ROR1: variants seen among roughly 807,000 people sequenced by gnomAD.
ROR1 encodes inactive tyrosine-protein kinase transmembrane receptor ROR1.
Under a neutral mutation model 78.8 loss-of-function variants are expected in ROR1, and 19 were observed. The ratio of observed to expected loss-of-function variants is 0.24; its 90% CI spans 0.17 to 0.35. The LOEUF is 0.35. ROR1 is among the 10% of genes least tolerant of loss of function. The probability of loss-of-function intolerance (pLI) is 1.00; values close to 1 mark genes in which losing one functional copy is unlikely to be tolerated. For synonymous variants in ROR1, 386 were observed against 433.6 expected, an observed-to-expected ratio of 0.89 and a Z score of 1.36; for missense variants, 917 against 1,177.8, an observed-to-expected ratio of 0.78 and a Z score of 3.24.
intron 1 of ROR1, among the ~76,000 whole-genome samples, chr1:63,823,061 ATAT>A (rs1448346961): frequency 6.6e-6 from 1 of 152,094 alleles, no homozygotes; most frequent in Non-Finnish European, 1.5e-5. Context: ...AAAAAAGGGA[ATAT>A]TATTGTTATT....
intron 1 of ROR1, among the ~76,000 whole-genome samples, chr1:63,936,445 C>G (rs1357252524): frequency 6.6e-6 from 1 of 152,108 alleles, no homozygotes; most frequent in Non-Finnish European, 1.5e-5. Flanking sequence ...TTTTCTAAAA[C>G]ACCCTTACCT....
At chr1:63,927,846 T>A (rs60652969) in intron 1 of ROR1, among the ~76,000 whole-genome samples, 4,440 of 152,290 alleles carry the variant, frequency 0.029, 229 homozygotes, top group African/African-American at 0.1. Flanking sequence ...CTGTTCTGGA[T>A]TTTTAGGAGT....
chr1:64,178,601 C>T lies in ROR1; in HGVS notation c.2560C>T (p.Arg854Trp), dbSNP rs1650459177. The T allele has an allele frequency of 5.0e-6, 8 of 1,614,068 alleles. No homozygotes were observed. The highest frequency in any genetic ancestry group is 1.7e-5 in the Admixed American group (1 of 60,000). ...VIQHCPPPKS[R>W]SPSSASGSTS... ...TCAGCACTGCCCACCTCCCAAGAGT[C>T]GGTCCCCAAGCAGTGCCAGTGGGTC... The change falls in exon 9 of 9, where the codon CGG (arginine) becomes TGG (tryptophan). Residue 854 changes from arginine (R) to tryptophan (W), a missense_variant. Physicochemically the swap from Arg to Trp is moderately radical, Grantham distance 101. This residue lies in a region of ROR1 where 835 missense variants were observed against 1,069.8 expected (regional missense o/e 0.78). Transcript: ENST00000371079. This position sits in a 1 kb window ranked among gnomAD's most constrained non-coding sequence, Gnocchi z 4.3.
At chr1:64,129,419 A>G (rs142768768) in intron 4 of ROR1, among the ~76,000 whole-genome samples, 18 of 152,322 alleles carry the variant, frequency 1.2e-4, no homozygotes, top group African/African-American at 4.3e-4. Context: ...CTAAAGTCCC[A>G]TTATTCTTAA....
intron 1 of ROR1, among the ~76,000 whole-genome samples, chr1:63,814,454 G>A (rs1478971158): frequency 6.6e-6 from 1 of 151,996 alleles, no homozygotes; most frequent in African/African-American, 2.4e-5. Context: ...GTTTGGAGAT[G>A]ATTCAAGCAC....
chr1:64,097,066 C>G (rs1398033630), intron 4 of ROR1, among the ~76,000 whole-genome samples: 1 of 152,118 alleles, frequency 6.6e-6, no homozygotes, highest in Admixed American at 6.6e-5. Context: ...TTAATGGCTA[C>G]TCTAAAAAAG....
intron 2 of ROR1, among the ~76,000 whole-genome samples, chr1:64,031,855 GTGTT>G (rs887749156): frequency 5.3e-5 from 8 of 151,338 alleles, no homozygotes; most frequent in Middle Eastern, 3.2e-3. Context: ...TTGTGTGTGT[GTGTT>G]TGTGTGTGCG....
At chr1:64,147,962 T>C (rs6686041) in intron 7 of ROR1, among the ~76,000 whole-genome samples, 44,917 of 151,934 alleles carry the variant, frequency 0.3, 8,110 homozygotes, top group East Asian at 0.52. Flanking sequence ...TGTTGCTAAA[T>C]ACACTGCAGT....
At chr1:63,988,880 A>G (rs1646272012) in intron 1 of ROR1, among the ~76,000 whole-genome samples, 1 of 152,242 alleles carries the variant, frequency 6.6e-6, no homozygotes, top group African/African-American at 2.4e-5. Flanking sequence ...TTATCCATTC[A>G]TCTGTCAATA....
chr1:64,176,135 CA>C (rs1650371719), intron 8 of ROR1, among the ~76,000 whole-genome samples: 1 of 152,090 alleles, frequency 6.6e-6, no homozygotes, highest in South Asian at 2.1e-4. Flanking sequence ...TGTCATGATT[CA>C]ATACTTATTT....
At position 64,178,768 on chromosome 1, in the gene ROR1, C is replaced by T. The variant is rs1442246126; in HGVS notation, c.2727C>T (p.Pro909=). ...TTTTTGGCAACAAATCTCAAAAACC[C>T]TACAAAATTGACTCAAAGCAAGCAT... ...ITVFGNKSQK[P]YKIDSKQASL... Residue 909 remains proline (P), a synonymous_variant, in exon 9 of 9, where the codon CCC becomes CCT. Coordinates refer to ENST00000371079, the MANE Select transcript of ROR1 (RefSeq NM_005012.4). This position sits in a 1 kb window ranked among gnomAD's most constrained non-coding sequence, Gnocchi z 4.3. 2 of 1,613,810 alleles carry T rather than the reference C, an allele frequency of 1.2e-6. No homozygotes were observed. The highest frequency in any genetic ancestry group is 1.3e-5 in the African/African-American group (1 of 74,834).
chr1:63,954,490 C>T (rs568527725), intron 1 of ROR1, among the ~76,000 whole-genome samples: 1 of 152,280 alleles, frequency 6.6e-6, no homozygotes, highest in East Asian at 1.9e-4. Flanking sequence ...GCAATCTCTG[C>T]CATAAGCAGT....
intron 4 of ROR1, among the ~76,000 whole-genome samples, chr1:64,075,751 T>C (rs1465937515): frequency 6.6e-6 from 1 of 152,194 alleles, no homozygotes; most frequent in Non-Finnish European, 1.5e-5. Flanking sequence ...TTTAAAAACA[T>C]GTATAAGTAA....
At position 64,069,516 on chromosome 1, in the gene ROR1, A is replaced by ATGTGTGTGTGTG. The variant is rs143372488; in HGVS notation, c.482+18812_482+18823dup. Among the ~76,000 whole-genome samples the ATGTGTGTGTGTG allele has an allele frequency of 1.1e-3, 168 of 150,424 alleles. 1 individual carries two copies. Among genetic ancestry groups the ATGTGTGTGTGTG allele is most frequent in the African/African-American group, 3.8e-3 (156 of 41,126 alleles). On this transcript the variant is annotated intron_variant, in intron 4 of 8. Transcript: ENST00000371079. ...CAGACTACATTTCCTCTTGGGTTAA[A>ATGTGTGTGTGTG]TGTGTGTGTGTGTGTGTGTGTGTAC... is the stretch of plus-strand genomic sequence containing the variant.
chr1:63,959,925 C>T (rs989701989), intron 1 of ROR1, among the ~76,000 whole-genome samples: 1 of 152,208 alleles, frequency 6.6e-6, no homozygotes, highest in Admixed American at 6.5e-5. Flanking sequence ...CCATTCCCAG[C>T]GTTCTCTGCT....
At chr1:64,012,059 G>A (rs1646479946) in intron 2 of ROR1, among the ~76,000 whole-genome samples, 1 of 152,162 alleles carries the variant, frequency 6.6e-6, no homozygotes, top group Non-Finnish European at 1.5e-5. Context: ...GGTACACAAA[G>A]AGGTGAAATC....
chr1:64,058,039 T>A (rs369349664), intron 4 of ROR1, among the ~76,000 whole-genome samples: 3 of 152,212 alleles, frequency 2.0e-5, no homozygotes, highest in African/African-American at 7.2e-5. Flanking sequence ...GGTGTGCAAG[T>A]CTTGCTCTCT....
At chr1:64,009,244 T>A in intron 1 of ROR1, 61 bp from the exon 2 acceptor site, 1 of 1,255,284 alleles carries the variant, frequency 8.0e-7, no homozygotes, top group East Asian at 2.3e-5. Context: ...TCTAACAGCC[T>A]ATAAATTACT....
intron 1 of ROR1, among the ~76,000 whole-genome samples, chr1:63,816,566 CG>C (rs1185230429): frequency 6.6e-6 from 1 of 152,102 alleles, no homozygotes; most frequent in Non-Finnish European, 1.5e-5. Context: ...TTCCCAGTCT[CG>C]GGTGTGTCTT....
Sources: allele counts gnomAD v4.1 joint callset (sites outside exome capture counted in the v4.1 genomes callset), GRCh38; gene constraint gnomAD v4.1.1; regional missense constraint gnomAD v4.1.1; non-coding constraint Gnocchi (gnomAD v3.1); transcripts MANE v1.5; gene names NCBI Gene and HGNC (gene_info 2026-07-23, HGNC 2026-07-21).